The following FAT2 variants were observed in gnomAD, a reference collection of about 807,000 sequenced individuals.
FAT2 encodes the protein FAT atypical cadherin 2, also known as protocadherin Fat 2.
In FAT2, 150 loss-of-function variants were observed where a neutral mutation model predicts 295.3. The observed-to-expected ratio is 0.51, with a 90% CI of 0.44 to 0.58. The LOEUF (loss-of-function observed/expected upper bound fraction) is 0.58. Among genes scored for constraint, FAT2 ranks in the 20% least tolerant of loss-of-function variants. The pLI, the probability that FAT2 is intolerant of heterozygous loss-of-function variation, is 0.00. For synonymous variants in FAT2, 2,026 were observed against 2,150.3 expected, an observed-to-expected ratio of 0.94 and a Z score of 1.60; for missense variants, 4,868 against 5,442.7, an observed-to-expected ratio of 0.89 and a Z score of 3.32.
chr5:151,554,943 G>T (rs1188779052), intron 4 of FAT2, among the ~76,000 whole-genome samples: 1 of 152,176 alleles, frequency 6.6e-6, no homozygotes, highest in Admixed American at 6.5e-5. Flanking sequence ...GACAACCCCT[G>T]GGCCATTTCT....
At chr5:151,565,647 A>C (rs1301233900) in intron 2 of FAT2, 26 bp downstream of exon 2, 11 of 1,460,992 alleles carry the variant, frequency 7.5e-6, no homozygotes, top group East Asian at 7.3e-5. Context: ...TGGCCCTGGC[A>C]CCCCACCCTA....
chr5:151,513,690 A>G (rs926661362), intron 20 of FAT2, among the ~76,000 whole-genome samples: 1 of 152,218 alleles, frequency 6.6e-6, no homozygotes, highest in African/African-American at 2.4e-5. Context: ...CCAATCCCCT[A>G]TGATACATCG....
intron 3 of FAT2, among the ~76,000 whole-genome samples, chr5:151,558,114 T>G (rs564560070): frequency 6.4e-4 from 97 of 152,342 alleles, no homozygotes; most frequent in Non-Finnish European, 2.2e-4. Flanking sequence ...CTTTAAGGAA[T>G]GTATTCTAAG....
At chr5:151,578,868 T>C (rs1758840349) in intron 1 of FAT2, among the ~76,000 whole-genome samples, 1 of 152,200 alleles carries the variant, frequency 6.6e-6, no homozygotes. Context: ...ACCAAGTACA[T>C]AAGGGCAAAT....
chr5:151,513,924 A>T (rs1329773265), intron 20 of FAT2, among the ~76,000 whole-genome samples: 1 of 152,218 alleles, frequency 6.6e-6, no homozygotes, highest in Non-Finnish European at 1.5e-5. Flanking sequence ...AATAATTTTC[A>T]AGAGTGTAAA....
In FAT2 at chr5:151,553,322, G is replaced by A. The variant is rs1757386076; in HGVS notation, c.4011C>T (p.Ile1337=). Residue 1337 remains isoleucine (I), a synonymous_variant, in exon 6 of 24, where the codon ATC becomes ATT. Coordinates refer to ENST00000261800, the MANE Select transcript of FAT2 (RefSeq NM_001447.3). ...GGATGGAGGACGGCCGGGGCCAAGG[G>A]ATCCACTCAATGTGTAGCCGGACAC... ...SASVRLHIEW[I]PWPRPSSIPL... is the part of the protein sequence containing the mutation. 1 of 1,614,272 alleles carries A rather than the reference G, an allele frequency of 6.2e-7. No homozygotes were observed. The highest frequency in any genetic ancestry group is 8.5e-7 in the Non-Finnish European group (1 of 1,180,048).
In FAT2 at chr5:151,512,261, C is replaced by T; in HGVS notation, c.11809G>A (p.Glu3937Lys). 6.2e-7 allele frequency: 1 copy of T among 1,614,180 alleles called. No homozygotes were observed. Among genetic ancestry groups the T allele is most frequent in the Non-Finnish European group, 8.5e-7 (1 of 1,180,030 alleles). Reference protein sequence around the residue: ...APGKTVAGLLETQALTQCCLH... With the variant: ...APGKTVAGLLKTQALTQCCLH... ...CAGCACTGGGTGAGGGCTTGTGTCT[C>T]CAGCAAGCCTGCCACCGTCTTGCCA... The change falls in exon 21 of 24, where the codon GAG becomes AAG. Residue 3937 changes from glutamate to lysine, a missense_variant. Physicochemically the swap from Glu to Lys is moderately conservative, Grantham distance 56. Around this residue, in one of 5 missense-constraint regions of FAT2, gnomAD observed 1,046 missense variants for 1,210.1 expected, o/e 0.86. Coordinates refer to ENST00000261800, the MANE Select transcript of FAT2 (RefSeq NM_001447.3). This position sits in a 1 kb window ranked among gnomAD's most constrained non-coding sequence, Gnocchi z 4.1.
At chr5:151,562,249 G>T (rs532415639) in intron 3 of FAT2, among the ~76,000 whole-genome samples, 1 of 152,140 alleles carries the variant, frequency 6.6e-6, no homozygotes, top group African/African-American at 2.4e-5. Flanking sequence ...CTGCCCGCTC[G>T]CATTCTTCCT....
rs918086088 is a variant in FAT2, at chr5:151,568,057, A to C, written c.875T>G (p.Val292Gly). Residue 292 changes from valine (V) to glycine (G), a missense_variant, in exon 2 of 24, where the codon GTT (valine) becomes GGT (glycine). By Grantham distance (109) the Val-to-Gly change is moderately radical. Around this residue, in one of 5 missense-constraint regions of FAT2, gnomAD observed 3,297 missense variants for 3,669.4 expected, o/e 0.90. Transcript: ENST00000261800. The part of the protein sequence containing the change: ...SGAEVESVEV[V>G]GGDPGKHFKA... ...GAAGTGCTTTCCAGGGTCACCACCA[A>C]CAACTTCCACTGACTCCACTTCAGC... 1.9e-6 allele frequency: 3 copies of C among 1,614,208 alleles called. No homozygotes were observed. Among genetic ancestry groups the C allele is most frequent in the South Asian group, 1.1e-5 (1 of 91,080 alleles).
chr5:151,507,410 C>CAGG lies in FAT2; in HGVS notation c.12258_12260dup (p.Leu4087dup). The CAGG allele has an allele frequency of 6.2e-7, 1 of 1,614,188 alleles. No homozygotes were observed. Among genetic ancestry groups the CAGG allele is most frequent in the South Asian group, 1.1e-5 (1 of 91,086 alleles). On this transcript the variant is annotated inframe_insertion, in exon 23 of 24. Coordinates refer to ENST00000261800, the MANE Select transcript of FAT2 (RefSeq NM_001447.3). ...GGGTGTCAACACCAACACTCCTGGC[C>CAGG]AGGAGGTCTGGGTCCTCCATGGCCA...
chr5:151,549,638 A>G (rs1756994284), intron 8 of FAT2, 133 bp from the exon 9 acceptor site: 4 of 680,026 alleles, frequency 5.9e-6, no homozygotes, highest in Non-Finnish European at 7.6e-6. Context: ...ATTCTTTTAA[A>G]TGTTGTTCTA....
At chr5:151,536,235 A>AT (rs1391471003) in intron 12 of FAT2, among the ~76,000 whole-genome samples, 4 of 152,056 alleles carry the variant, frequency 2.6e-5, no homozygotes, top group Admixed American at 6.5e-5. Context: ...AAAAAACGCC[A>AT]TTTTTTAAAG....
At chr5:151,554,722 G>C in intron 4 of FAT2, 49 bp from the exon 5 acceptor site, 1 of 1,434,500 alleles carries the variant, frequency 7.0e-7, no homozygotes, top group Non-Finnish European at 9.6e-7. Context: ...TTGCAAATTA[G>C]TGACTATGCT....
intron 3 of FAT2, among the ~76,000 whole-genome samples, chr5:151,559,592 C>T (rs1757931259): frequency 6.6e-6 from 1 of 152,010 alleles, no homozygotes; most frequent in Non-Finnish European, 1.5e-5. Flanking sequence ...CTCCTCTCTT[C>T]CAGCTCTTCC....
At chr5:151,526,397 T>C (rs148952808) in intron 17 of FAT2, among the ~76,000 whole-genome samples, 2 of 152,358 alleles carry the variant, frequency 1.3e-5, no homozygotes, top group East Asian at 1.9e-4. Context: ...GCATGCAATA[T>C]GTATCTGATA....
chr5:151,506,037 T>C lies in FAT2; in HGVS notation c.12578A>G (p.Tyr4193Cys). The change falls in exon 24 of 24, where the codon TAC (tyrosine) becomes TGC (cysteine). Residue 4193 changes from tyrosine to cysteine, a missense_variant. Physicochemically the swap from Tyr to Cys is radical, Grantham distance 194. Transcript: ENST00000261800. ...GCCCTGAGTCACTTCGGAGTGGGGGTATTCCCAGCGTTCGTTCCTGGAGTA... is the reference window on the plus strand; with the variant it reads ...GCCCTGAGTCACTTCGGAGTGGGGGCATTCCCAGCGTTCGTTCCTGGAGTA... ...PTYSRNERWEYPHSEVTQGPL... is the reference protein window; with the variant it reads ...PTYSRNERWECPHSEVTQGPL... 6.4e-7 allele frequency: 1 copy of C among 1,564,928 alleles called. No individual in the cohort carries two copies. Among genetic ancestry groups the C allele is most frequent in the Non-Finnish European group, 8.6e-7 (1 of 1,160,748 alleles).
At chr5:151,547,978 T>G (rs1756814071) in intron 9 of FAT2, among the ~76,000 whole-genome samples, 1 of 152,220 alleles carries the variant, frequency 6.6e-6, no homozygotes. Context: ...TTAAAACTAA[T>G]CTAATCTGGA....
At chr5:151,534,970 A>ATATATATACATATATGT (rs1755078921) in intron 12 of FAT2, among the ~76,000 whole-genome samples, 1 of 106,390 alleles carries the variant, frequency 9.4e-6, no homozygotes, top group Non-Finnish European at 2.1e-5. Context: ...CTTCTAGGAA[A>ATATATATACATATATGT]ATATATATAT....
intron 13 of FAT2, among the ~76,000 whole-genome samples, chr5:151,532,747 T>C (rs1754788096): frequency 6.6e-6 from 1 of 152,214 alleles, no homozygotes; most frequent in African/African-American, 2.4e-5. Flanking sequence ...CAGTTGGCCA[T>C]AGTGTAGGAA....
Sources: gnomAD v4.1 joint callset for allele counts (sites outside exome capture counted in the v4.1 genomes callset) on GRCh38, gnomAD v4.1.1 for gene constraint, gnomAD v4.1.1 regional missense constraint, Gnocchi (gnomAD v3.1) non-coding constraint, MANE v1.5 for transcripts, NCBI Gene and HGNC (gene_info 2026-07-23, HGNC 2026-07-21) for gene names.